Variants in ST13 observed in about 807,000 individuals in gnomAD.
ST13 encodes hsc70-interacting protein.
In ST13, 23 loss-of-function variants were observed where a neutral mutation model predicts 56.7. The observed-to-expected ratio is 0.41, with a 90% CI of 0.29 to 0.57. The LOEUF (loss-of-function observed/expected upper bound fraction) is 0.57, where lower values mean the gene tolerates loss of function less well. Among genes scored for constraint, ST13 ranks in the 20% least tolerant of loss-of-function variants. The pLI, the probability that ST13 is intolerant of heterozygous loss-of-function variation, is 0.36. For missense variants in ST13, 369 were observed against 459.9 expected, an observed-to-expected ratio of 0.80 and a Z score of 1.81; for synonymous variants, 132 against 142.4, an observed-to-expected ratio of 0.93 and a Z score of 0.52.
At chr22:40,839,641 T>C (rs1344516336) in intron 5 of ST13, among the ~76,000 whole-genome samples, 1 of 151,914 alleles carries the variant, frequency 6.6e-6, no homozygotes, top group African/African-American at 2.4e-5. Flanking sequence ...AGCACACGCC[T>C]GTAATCCCAG....
At chr22:40,846,046 C>A (rs1328357294) in intron 3 of ST13, among the ~76,000 whole-genome samples, 1 of 152,148 alleles carries the variant, frequency 6.6e-6, no homozygotes, top group African/African-American at 2.4e-5. Flanking sequence ...AAGCAATTGT[C>A]CTGCGTCAGT....
intron 4 of ST13, among the ~76,000 whole-genome samples, chr22:40,843,075 GT>G (rs2057812254): frequency 6.6e-6 from 1 of 152,028 alleles, no homozygotes; most frequent in Admixed American, 6.5e-5. Flanking sequence ...AGCTATGATT[GT>G]ACCACTACAC....
intron 1 of ST13, 27 bp downstream of exon 1, chr22:40,856,404 C>T (rs368613054): frequency 4.4e-6 from 7 of 1,595,366 alleles, no homozygotes; most frequent in Non-Finnish European, 5.2e-6. Flanking sequence ...TCCCCCGCCC[C>T]CAACGGTCCT....
intron 1 of ST13, among the ~76,000 whole-genome samples, chr22:40,852,296 T>C (rs2057865634): frequency 6.6e-6 from 1 of 152,246 alleles, no homozygotes; most frequent in Admixed American, 6.5e-5. Flanking sequence ...CTCATTGCAG[T>C]TGAGTCCCTT....
At chr22:40,853,921 T>C (rs2057875058) in intron 1 of ST13, among the ~76,000 whole-genome samples, 2 of 152,038 alleles carry the variant, frequency 1.3e-5, no homozygotes, top group South Asian at 4.1e-4. Flanking sequence ...AAAACAAAAA[T>C]ATCTCAAAAC....
chr22:40,856,344 G>T (rs977952372), intron 1 of ST13, 87 bp downstream of exon 1: 142 of 1,204,606 alleles, frequency 1.2e-4, no homozygotes, highest in Non-Finnish European at 1.5e-4. Context: ...ACCCCGCCTC[G>T]CCCGCCGGAC....
chr22:40,850,403 C>T (rs1453469237), intron 2 of ST13, among the ~76,000 whole-genome samples: 2 of 152,228 alleles, frequency 1.3e-5, no homozygotes, highest in African/African-American at 4.8e-5. Context: ...CCATGATTCA[C>T]ACTCACAAAT....
chr22:40,838,894 A>G (rs1442371202), intron 5 of ST13, among the ~76,000 whole-genome samples: 1 of 145,488 alleles, frequency 6.9e-6, no homozygotes, highest in Non-Finnish European at 1.5e-5. Context: ...CTTTCCAGAG[A>G]AACAGTATAG....
At chr22:40,842,364 G>C (rs1453292313) in intron 4 of ST13, among the ~76,000 whole-genome samples, 7 of 152,136 alleles carry the variant, frequency 4.6e-5, no homozygotes, top group South Asian at 4.1e-4. Context: ...TGAAAAATAA[G>C]AGTAAGACCA....
intron 2 of ST13, among the ~76,000 whole-genome samples, chr22:40,849,479 C>CAAA (rs57060131): frequency 1.6e-4 from 9 of 55,072 alleles, no homozygotes; most frequent in East Asian, 4.2e-4. Context: ...GACTCTGTCT[C>CAAA]AAAAAAAAAA....
chr22:40,829,545 C>CT, intron 10 of ST13, 81 bp downstream of exon 10: 1 of 663,558 alleles, frequency 1.5e-6, no homozygotes, highest in African/African-American at 1.9e-5. Context: ...CAGAATATCA[C>CT]TTTATAATAA....
chr22:40,827,067 A>C, intron 11 of ST13, 29 bp downstream of exon 11: 1 of 1,605,760 alleles, frequency 6.2e-7, no homozygotes, highest in South Asian at 1.1e-5. Flanking sequence ...TAATGATACA[A>C]AGTCCAAAGT....
Position 40,825,758 on chromosome 22 carries a change from GAAA to G in ST13, c.*777_*779del, listed in dbSNP as rs1397304273. 6.6e-6 allele frequency: 1 copy of G among 151,980 alleles called. No individual in the cohort carries two copies. The allele number at this position is 151,980 out of a possible 1,614,324, so 9.4% of individuals were successfully genotyped here. On this transcript the variant is annotated 3_prime_UTR_variant, in exon 12 of 12. Coordinates refer to ENST00000216218, the MANE Select transcript of ST13 (RefSeq NM_003932.5). ...ACTAGGAAAGAGAATTTTAAGCATA[GAAA>G]TATAAAAAGAAAAGTACTACCTTAT...
chr22:40,854,679 A>C (rs767231308), intron 1 of ST13: 4 of 152,192 alleles, frequency 2.6e-5, no homozygotes, highest in Non-Finnish European at 4.4e-5. Flanking sequence ...GTATCCACTT[A>C]ATGTAAAGTG....
At chr22:40,833,919 C>G (rs905135980) in intron 7 of ST13, among the ~76,000 whole-genome samples, 3 of 151,952 alleles carry the variant, frequency 2.0e-5, no homozygotes, top group African/African-American at 4.8e-5. Flanking sequence ...ATAAGCTACA[C>G]AGAAAAAAAT....
intron 1 of ST13, among the ~76,000 whole-genome samples, chr22:40,855,950 C>A (rs2057890809): frequency 6.6e-6 from 1 of 152,064 alleles, no homozygotes; most frequent in Admixed American, 6.5e-5. Flanking sequence ...TAAAAACAAT[C>A]ATTTTTACAG....
chr22:40,827,206 C>T lies in ST13; in HGVS notation c.871G>A (p.Gly291Ser), dbSNP rs2057732854. The T allele has an allele frequency of 1.9e-6, 3 of 1,613,456 alleles. No individual in the cohort carries two copies. The highest frequency in any genetic ancestry group is 2.2e-5 in the South Asian group (2 of 91,068). ...CCAGGCATTCCTCCGGGAAAATTACCAGGCATTCCCCCAGGAAAGCCACCT... is the reference window on the plus strand; with the variant it reads ...CCAGGCATTCCTCCGGGAAAATTACTAGGCATTCCCCCAGGAAAGCCACCT... The part of the protein sequence containing the change: ...FPGGFPGGMP[G>S]NFPGGMPGMG... The change falls in exon 11 of 12, where the codon GGT becomes AGT. Residue 291 changes from glycine to serine, a missense_variant. Coordinates refer to ENST00000216218, the MANE Select transcript of ST13 (RefSeq NM_003932.5).
At chr22:40,850,977 T>C (rs996299238) in intron 1 of ST13, 97 bp from the exon 2 acceptor site, 3 of 788,352 alleles carry the variant, frequency 3.8e-6, no homozygotes, top group Non-Finnish European at 6.1e-6. Context: ...GACATTTAGA[T>C]GACTACCTTT....
intron 5 of ST13, among the ~76,000 whole-genome samples, chr22:40,836,120 A>C (rs564702465): frequency 3.2e-4 from 49 of 152,264 alleles, no homozygotes; most frequent in Non-Finnish European, 5.9e-4. Context: ...TAACAATAGA[A>C]TAGCACATTC....
Sources: allele counts gnomAD v4.1 joint callset (sites outside exome capture counted in the v4.1 genomes callset), GRCh38; gene constraint gnomAD v4.1.1; transcripts MANE v1.5; gene names NCBI Gene and HGNC (gene_info 2026-07-23, HGNC 2026-07-21).